ZMYM2: variants seen among roughly 807,000 people sequenced by gnomAD.
ZMYM2 encodes the protein zinc finger MYM-type protein 2.
A neutral mutation model predicts 162.8 loss-of-function variants in ZMYM2; 56 were observed. The observed-to-expected ratio is 0.34, with a 90% CI of 0.28 to 0.43. The LOEUF is 0.43. Ranked by LOEUF, ZMYM2 falls within the 20% of genes least tolerant of loss-of-function variation. ZMYM2 has a pLI of 1.00. For synonymous variants in ZMYM2, 510 were observed against 541.6 expected, an observed-to-expected ratio of 0.94 and a Z score of 0.81; for missense variants, 1,275 against 1,621.8, an observed-to-expected ratio of 0.79 and a Z score of 3.67.
the ZMYM2 span, among the ~76,000 whole-genome samples, chr13:19,867,602 A>T: frequency 6.6e-6 from 1 of 152,156 alleles, no homozygotes; most frequent in Non-Finnish European, 1.5e-5. Context: ...CTATATTTTT[A>T]AAAAGATCTC....
At chr13:19,869,336 A>G in the ZMYM2 span, among the ~76,000 whole-genome samples, 1,831 of 152,214 alleles carry the variant, frequency 0.012, 39 homozygotes, top group African/African-American at 0.04. Flanking sequence ...ATTATGTTCT[A>G]TAAGTATATG....
chr13:20,038,791 G>GT (rs546076159), intron 12 of ZMYM2, among the ~76,000 whole-genome samples: 7,196 of 142,900 alleles, frequency 0.05, 331 homozygotes, highest in African/African-American at 0.12. Context: ...GATTTTAAAA[G>GT]TTTTTTTTTT....
At chr13:20,068,621 C>G (rs767341509) in intron 21 of ZMYM2, among the ~76,000 whole-genome samples, 2 of 152,072 alleles carry the variant, frequency 1.3e-5, no homozygotes, top group African/African-American at 2.4e-5. Flanking sequence ...CCCTCCTCTT[C>G]TTTTATTATA....
the ZMYM2 span, among the ~76,000 whole-genome samples, chr13:19,909,963 C>T: frequency 6.6e-6 from 1 of 151,698 alleles, no homozygotes; most frequent in Non-Finnish European, 1.5e-5. Flanking sequence ...CGCCTGTAAT[C>T]CCAGCACTTT....
At chr13:19,937,669 A>G in the ZMYM2 span, among the ~76,000 whole-genome samples, 148,004 of 150,516 alleles carry the variant, frequency 0.98, 72,819 homozygotes, top group Middle Eastern at 1. Flanking sequence ...TTATGTTTTA[A>G]GGTACATGTG....
intron 10 of ZMYM2, 39 bp from the exon 11 acceptor site, chr13:20,034,215 G>GAGGTGC (rs35046313): frequency 2.5e-4 from 75 of 294,276 alleles, no homozygotes; most frequent in Non-Finnish European, 3.5e-4. Context: ...TCTTAAGCTT[G>GAGGTGC]TCGTCATATA....
intron 21 of ZMYM2, among the ~76,000 whole-genome samples, chr13:20,079,076 T>C (rs1235147216): frequency 2.0e-5 from 3 of 151,162 alleles, no homozygotes; most frequent in Non-Finnish European, 2.9e-5. Flanking sequence ...ATCCCAGCAC[T>C]TTGGGAGGCT....
intron 12 of ZMYM2, among the ~76,000 whole-genome samples, chr13:20,049,067 C>T (rs996855267): frequency 6.6e-6 from 1 of 151,882 alleles, no homozygotes; most frequent in South Asian, 2.1e-4. Flanking sequence ...GAATTCCAAA[C>T]ACTTCACTAG....
chr13:19,884,608 G>C, the ZMYM2 span, among the ~76,000 whole-genome samples: 2 of 152,000 alleles, frequency 1.3e-5, no homozygotes, highest in Non-Finnish European at 2.9e-5. Flanking sequence ...CTCACGGTGA[G>C]TATTACAGCT....
At chr13:19,936,176 A>T in the ZMYM2 span, among the ~76,000 whole-genome samples, 1 of 152,148 alleles carries the variant, frequency 6.6e-6, no homozygotes, top group Non-Finnish European at 1.5e-5. Context: ...CTATTTTCTA[A>T]AGAGTAGACT....
At chr13:20,052,523 A>G (rs1250822792) in intron 14 of ZMYM2, among the ~76,000 whole-genome samples, 23 of 152,172 alleles carry the variant, frequency 1.5e-4, no homozygotes, top group Admixed American at 1.5e-3. Context: ...GCCTCTACTC[A>G]CAATGGGGCG....
Position 20,079,335 on chromosome 13 carries a change from AAAAAAAAAG to A in ZMYM2, c.3454-2680_3454-2672del, listed in dbSNP as rs1223111770. 6.7e-4 allele frequency among the ~76,000 whole-genome samples: 96 copies of A among 142,972 alleles called. 5 individuals carry two copies. The highest frequency in any genetic ancestry group is 2.2e-3 in the African/African-American group (88 of 39,446). The allele number at this position is 142,972 out of a possible 152,430, so 93.8% of individuals were successfully genotyped here. The stretch of plus-strand genomic sequence containing the variant: ...CTGTCTCAAAAAAAAAAAAAAAAAA[AAAAAAAAAG>A]GATACTTAATGAATTCAAATCCCAT... On this transcript the variant is annotated intron_variant, in intron 21 of 24. Coordinates refer to ENST00000610343, the MANE Select transcript of ZMYM2 (RefSeq NM_197968.4).
chr13:19,974,730 G>T (rs1157322460), intron 2 of ZMYM2, among the ~76,000 whole-genome samples: 1 of 152,104 alleles, frequency 6.6e-6, no homozygotes, highest in East Asian at 1.9e-4. Context: ...TCAGCCTCCC[G>T]AAGTGCTGGG....
At chr13:19,957,349 T>C (rs1175747258), upstream of ZMYM2, among the ~76,000 whole-genome samples, 1 of 152,362 alleles carries the variant, frequency 6.6e-6, no homozygotes, top group Non-Finnish European at 1.5e-5. Flanking sequence ...AATTGAGAAG[T>C]CGCCCATCCA....
chr13:19,942,472 G>A, the ZMYM2 span, among the ~76,000 whole-genome samples: 1 of 151,366 alleles, frequency 6.6e-6, no homozygotes, highest in East Asian at 1.9e-4. Flanking sequence ...TTTTACTGAT[G>A]TGGGAGGATT....
At chr13:20,051,997 A>T (rs1411194724) in intron 13 of ZMYM2, among the ~76,000 whole-genome samples, 4 of 151,978 alleles carry the variant, frequency 2.6e-5, no homozygotes, top group Non-Finnish European at 5.9e-5. Flanking sequence ...AATTTTTTTA[A>T]AAAAAATATC....
the ZMYM2 span, among the ~76,000 whole-genome samples, chr13:19,887,511 A>G: frequency 1.3e-5 from 2 of 149,898 alleles, no homozygotes; most frequent in Admixed American, 6.7e-5. Flanking sequence ...CCTGGGAGAC[A>G]GAATGAGACT....
chr13:20,027,459 CAGA>C, intron 9 of ZMYM2, 141 bp downstream of exon 9: 2 of 605,310 alleles, frequency 3.3e-6, no homozygotes, highest in Non-Finnish European at 5.4e-6. Flanking sequence ...ATCCTAGTCA[CAGA>C]ATATGTGGCT....
chr13:19,941,645 G>A, the ZMYM2 span, among the ~76,000 whole-genome samples: 2 of 150,420 alleles, frequency 1.3e-5, no homozygotes, highest in East Asian at 3.9e-4. Context: ...TGCAAGGAAT[G>A]CCTCTAAGTT....
Sources: gnomAD v4.1 joint callset for allele counts (sites outside exome capture counted in the v4.1 genomes callset) on GRCh38, gnomAD v4.1.1 for gene constraint, MANE v1.5 for transcripts, NCBI Gene and HGNC (gene_info 2026-07-23, HGNC 2026-07-21) for gene names.